The following CSMD1 variants were observed in gnomAD, a reference collection of about 807,000 sequenced individuals.
The protein encoded by CSMD1 is CUB and sushi domain-containing protein 1.
In CSMD1, 213 loss-of-function variants were observed where a neutral mutation model predicts 417.5. The observed-to-expected ratio is 0.51, with a 90% CI of 0.46 to 0.57. The LOEUF is 0.57. Ranked by LOEUF, CSMD1 falls within the 20% of genes least tolerant of loss-of-function variation. The pLI is 0.00. For synonymous variants in CSMD1, 2,862 were observed against 1,736.8 expected, an observed-to-expected ratio of 1.65 and a Z score of -16.11; for missense variants, 6,923 against 4,529.7, an observed-to-expected ratio of 1.53 and a Z score of -15.17.
At chr8:4,424,531 A>C (rs1797435049) in intron 2 of CSMD1, among the ~76,000 whole-genome samples, 1 of 152,020 alleles carries the variant, frequency 6.6e-6, no homozygotes, top group Non-Finnish European at 1.5e-5. Flanking sequence ...GCTGAAATAA[A>C]AATAAATAAT....
chr8:3,967,966 G>C (rs1050245793), intron 5 of CSMD1, among the ~76,000 whole-genome samples: 7 of 139,004 alleles, frequency 5.0e-5, no homozygotes, highest in African/African-American at 1.7e-4. Flanking sequence ...AGGAGATCGA[G>C]ACCATCCTGG....
At chr8:4,061,365 T>A (rs2130738729) in intron 3 of CSMD1, among the ~76,000 whole-genome samples, 1 of 152,128 alleles carries the variant, frequency 6.6e-6, no homozygotes, top group Admixed American at 6.5e-5. Flanking sequence ...AAGTAAAAAT[T>A]AAAAAATGAA....
intron 7 of CSMD1, among the ~76,000 whole-genome samples, chr8:3,643,614 T>C (rs1024781441): frequency 2.8e-5 from 4 of 143,704 alleles, no homozygotes; most frequent in Non-Finnish European, 3.0e-5. Context: ...GGCAGGAGAA[T>C]GGCGTGAACC....
At chr8:3,356,181 TG>T (rs1324505356) in intron 21 of CSMD1, among the ~76,000 whole-genome samples, 3 of 152,240 alleles carry the variant, frequency 2.0e-5, no homozygotes, top group African/African-American at 7.2e-5. Flanking sequence ...GGTATGGATT[TG>T]CCTCTTTTTT....
intron 3 of CSMD1, among the ~76,000 whole-genome samples, chr8:4,207,967 C>T (rs1800082236): frequency 6.6e-6 from 1 of 152,006 alleles, no homozygotes; most frequent in Non-Finnish European, 1.5e-5. Flanking sequence ...AGGCAATATT[C>T]ATTATAGCAT....
intron 41 of CSMD1, among the ~76,000 whole-genome samples, chr8:3,138,094 C>T (rs988768740): frequency 5.3e-5 from 8 of 152,214 alleles, no homozygotes; most frequent in South Asian, 2.1e-4. Context: ...GGCATGGTGG[C>T]GGGTGCCTGT....
chr8:4,164,302 T>A (rs1223257351), intron 3 of CSMD1, among the ~76,000 whole-genome samples: 1 of 152,134 alleles, frequency 6.6e-6, no homozygotes, highest in East Asian at 1.9e-4. Context: ...ATGATAAATA[T>A]AGAATCCATC....
At chr8:3,177,303 G>A (rs1034456787) in intron 37 of CSMD1, among the ~76,000 whole-genome samples, 1 of 152,130 alleles carries the variant, frequency 6.6e-6, no homozygotes, top group South Asian at 2.1e-4. Flanking sequence ...GAAAGCCTAG[G>A]GGCACAGCTG....
At chr8:3,906,171 G>A (rs908429026) in intron 5 of CSMD1, among the ~76,000 whole-genome samples, 2 of 152,076 alleles carry the variant, frequency 1.3e-5, no homozygotes, top group African/African-American at 4.8e-5. Context: ...ACCTGCATTT[G>A]TGATATGGGT....
chr8:4,201,473 G>C (rs1236288367), intron 3 of CSMD1, among the ~76,000 whole-genome samples: 13 of 147,890 alleles, frequency 8.8e-5, no homozygotes, highest in African/African-American at 3.0e-4. Flanking sequence ...GGGAGGCGGA[G>C]CTTGCAGTGA....
intron 3 of CSMD1, among the ~76,000 whole-genome samples, chr8:4,085,258 C>A (rs528067676): frequency 1.2e-4 from 19 of 152,134 alleles, no homozygotes; most frequent in African/African-American, 4.3e-4. Flanking sequence ...GAGCTTCTTC[C>A]CCAAAAATCT....
At chr8:4,048,264 C>A (rs1290044881) in intron 3 of CSMD1, among the ~76,000 whole-genome samples, 1 of 152,298 alleles carries the variant, frequency 6.6e-6, no homozygotes, top group Non-Finnish European at 1.5e-5. Flanking sequence ...GTGATACCTA[C>A]ACATTTTTAC....
At chr8:4,700,869 C>T (rs1310864669) in intron 1 of CSMD1, among the ~76,000 whole-genome samples, 2 of 152,076 alleles carry the variant, frequency 1.3e-5, no homozygotes, top group Non-Finnish European at 1.5e-5. Context: ...GAACAATAGA[C>T]CTACAGTGCT....
intron 1 of CSMD1, among the ~76,000 whole-genome samples, chr8:4,793,626 T>A (rs1797813171): frequency 6.6e-6 from 1 of 151,944 alleles, no homozygotes. Context: ...CAAAAAAAAA[T>A]ACAGCACTAA....
chr8:3,775,548 C>T (rs1798848349), intron 5 of CSMD1, among the ~76,000 whole-genome samples: 1 of 152,198 alleles, frequency 6.6e-6, no homozygotes, highest in African/African-American at 2.4e-5. Context: ...AGAACTTTTA[C>T]AAGAGCGCAA....
intron 12 of CSMD1, among the ~76,000 whole-genome samples, chr8:3,467,959 A>C (rs1260208687): frequency 6.6e-6 from 1 of 152,236 alleles, no homozygotes; most frequent in Admixed American, 6.5e-5. Flanking sequence ...CTCCAGATAA[A>C]TATTCTCATT....
chr8:4,954,788 C>A (rs543303466), intron 1 of CSMD1, among the ~76,000 whole-genome samples: 1 of 152,212 alleles, frequency 6.6e-6, no homozygotes, highest in South Asian at 2.1e-4. Context: ...TTACGGTTTT[C>A]CATACTTGAC....
chr8:3,216,531 A>G (rs1352973928), intron 29 of CSMD1, among the ~76,000 whole-genome samples: 1 of 152,174 alleles, frequency 6.6e-6, no homozygotes, highest in Admixed American at 6.5e-5. Context: ...TATCACCTAC[A>G]CAACTTTCTT....
chr8:3,445,125 A>G (rs1585174999), intron 12 of CSMD1, among the ~76,000 whole-genome samples: 2 of 152,208 alleles, frequency 1.3e-5, no homozygotes, highest in South Asian at 4.1e-4. Context: ...CAACATATAA[A>G]CTAATATACT....
Sources: allele counts gnomAD v4.1 joint callset (sites outside exome capture counted in the v4.1 genomes callset), GRCh38; gene constraint gnomAD v4.1.1; transcripts MANE v1.5; gene names NCBI Gene and HGNC (gene_info 2026-07-23, HGNC 2026-07-21).